The following GNAQ variants were observed in gnomAD, a reference collection of about 807,000 sequenced individuals.
GNAQ encodes the protein G protein subunit alpha q, also known as guanine nucleotide-binding protein G(q) subunit alpha.
GNAQ carries 8 observed loss-of-function variants against 43.9 expected under a neutral mutation model. That is an observed-to-expected ratio of 0.18 (90% CI 0.11 to 0.33). The LOEUF is 0.33. GNAQ is among the 10% of genes least tolerant of loss of function. The pLI, the probability that GNAQ is intolerant of heterozygous loss-of-function variation, is 1.00. For synonymous variants in GNAQ, 155 were observed against 170.7 expected, an observed-to-expected ratio of 0.91 and a Z score of 0.71; for missense variants, 158 against 450.8, an observed-to-expected ratio of 0.35 and a Z score of 5.88.
rs1825272973 is a variant in GNAQ at position 77,719,274 on chromosome 9, T to A, written c.*2049A>T. ...TACAATACAATTACATAGATACATA[T>A]CAATACAGCACATTCAATCTGCCAA... On this transcript the variant is annotated 3_prime_UTR_variant, in exon 7 of 7. Transcript: ENST00000286548. The A allele has an allele frequency of 4.3e-6, 1 of 232,456 alleles. No homozygotes were observed. Among genetic ancestry groups the A allele is most frequent in the African/African-American group, 2.2e-5 (1 of 45,294 alleles). 14.4% of individuals were successfully genotyped at this position (232,456 alleles called of 1,614,324 possible).
In GNAQ at chr9:77,881,991, A is replaced by G. The variant is rs559615232; in HGVS notation, c.321+40170T>C. Among the ~76,000 whole-genome samples the G allele has an allele frequency of 7.2e-3, 1,089 of 152,184 alleles. 5 individuals are homozygous for G. The highest frequency in any genetic ancestry group is 0.011 in the Non-Finnish European group (738 of 68,016). ...CATCTCTACTAAAAGTACAAAAATC[A>G]GCTGGGCATGGTGGCGGGCGCCTGT... On this transcript the variant is annotated intron_variant, in intron 2 of 6. Transcript: ENST00000286548.
chr9:77,903,937 CAAA>C (rs869277958), intron 2 of GNAQ, among the ~76,000 whole-genome samples: 1 of 32,368 alleles, frequency 3.1e-5, no homozygotes, highest in Admixed American at 5.1e-4. Context: ...AACCCTAAAA[CAAA>C]ACACACAAAA....
chr9:77,802,209 T>G (rs1826754235), intron 3 of GNAQ, among the ~76,000 whole-genome samples: 1 of 151,930 alleles, frequency 6.6e-6, no homozygotes, highest in Non-Finnish European at 1.5e-5. Flanking sequence ...ACCCTGCATT[T>G]TTCATTGCCA....
At chr9:78,009,232 C>T (rs1823744686) in intron 1 of GNAQ, among the ~76,000 whole-genome samples, 1 of 152,180 alleles carries the variant, frequency 6.6e-6, no homozygotes, top group African/African-American at 2.4e-5. Flanking sequence ...TGGTTGGCAA[C>T]CTAAACTTCA....
At chr9:77,896,960 C>CA (rs1828514268) in intron 2 of GNAQ, among the ~76,000 whole-genome samples, 1 of 152,208 alleles carries the variant, frequency 6.6e-6, no homozygotes, top group African/African-American at 2.4e-5. Flanking sequence ...TTTTGTCCTC[C>CA]AGAAGTTATC....
chr9:77,822,816 A>C (rs889844159), intron 2 of GNAQ, among the ~76,000 whole-genome samples: 4 of 152,198 alleles, frequency 2.6e-5, no homozygotes, highest in Admixed American at 2.6e-4. Context: ...AGCTTTTAGA[A>C]TACCTTGCTT....
intron 2 of GNAQ, among the ~76,000 whole-genome samples, chr9:77,827,781 A>G (rs1375998470): frequency 6.6e-6 from 1 of 152,150 alleles, no homozygotes; most frequent in Non-Finnish European, 1.5e-5. Context: ...CAATCTTTCT[A>G]GAGCATCAAC....
chr9:77,823,264 G>T (rs894028064), intron 2 of GNAQ, among the ~76,000 whole-genome samples: 9 of 151,968 alleles, frequency 5.9e-5, no homozygotes, highest in African/African-American at 2.2e-4. Flanking sequence ...AAGAAGGGAA[G>T]GAAAATAACT....
chr9:77,896,320 A>G (rs1212050546), intron 2 of GNAQ, among the ~76,000 whole-genome samples: 1 of 152,196 alleles, frequency 6.6e-6, no homozygotes, highest in African/African-American at 2.4e-5. Context: ...AACATACATA[A>G]AAGTTTGGAG....
chr9:77,984,790 G>A (rs1184738129), intron 1 of GNAQ, among the ~76,000 whole-genome samples: 1 of 152,140 alleles, frequency 6.6e-6, no homozygotes, highest in African/African-American at 2.4e-5. Flanking sequence ...AGCAGAGCCA[G>A]AGAGAGAAAC....
At position 78,031,064 on chromosome 9, in the gene GNAQ, G is replaced by A. The variant is rs766367586; in HGVS notation, c.136+36C>T. 1.2e-5 allele frequency: 17 copies of A among 1,388,838 alleles called. No homozygotes were observed. In the East Asian group the frequency reaches 4.7e-4, roughly 38 times the overall value. The allele number at this position is 1,388,838 out of a possible 1,614,324, so 86.0% of individuals were successfully genotyped here. A position where few individuals can be genotyped will look rare whatever the true frequency, so the allele number is the denominator to read the frequency against. On this transcript the variant is annotated intron_variant, in intron 1 of 6. Transcript: ENST00000286548. ...CAGGGCCAAGGATGGTGGGCTGGGG[G>A]CGCAGAGGCCCGGCGGGGCCCCGGA...
chr9:77,836,374 C>A (rs1827384966), intron 2 of GNAQ, among the ~76,000 whole-genome samples: 1 of 152,158 alleles, frequency 6.6e-6, no homozygotes, highest in Non-Finnish European at 1.5e-5. Context: ...GTGAACTTTC[C>A]CATCTGAAAA....
At chr9:77,875,849 C>T (rs141709376) in intron 2 of GNAQ, among the ~76,000 whole-genome samples, 1 of 152,206 alleles carries the variant, frequency 6.6e-6, no homozygotes, top group East Asian at 1.9e-4. Context: ...CTCACCATTG[C>T]TATTTTTCAG....
chr9:77,879,436 T>A (rs1828177405), intron 2 of GNAQ, among the ~76,000 whole-genome samples: 1 of 152,098 alleles, frequency 6.6e-6, no homozygotes, highest in African/African-American at 2.4e-5. Flanking sequence ...GCTTTGTATT[T>A]TTAGTACAGA....
intron 5 of GNAQ, among the ~76,000 whole-genome samples, chr9:77,769,860 G>T (rs919649192): frequency 2.6e-5 from 4 of 151,996 alleles, no homozygotes; most frequent in Non-Finnish European, 5.9e-5. Flanking sequence ...TAGAGACAGG[G>T]TTTCACTGTG....
intron 2 of GNAQ, among the ~76,000 whole-genome samples, chr9:77,894,168 C>A (rs879471012): frequency 1.3e-5 from 2 of 151,350 alleles, no homozygotes; most frequent in Non-Finnish European, 2.9e-5. Context: ...AATGCCATGT[C>A]TTTCATGTTA....
chr9:77,921,900 T>C (rs1349906637), intron 2 of GNAQ, among the ~76,000 whole-genome samples: 1 of 152,240 alleles, frequency 6.6e-6, no homozygotes, highest in Non-Finnish European at 1.5e-5. Context: ...TATTTATTGC[T>C]GAACATCCAA....
intron 1 of GNAQ, among the ~76,000 whole-genome samples, chr9:77,953,778 G>C (rs1413521269): frequency 1.3e-5 from 2 of 152,108 alleles, no homozygotes; most frequent in African/African-American, 4.8e-5. Context: ...TCAAAACTAA[G>C]GAAGTAAATC....
At chr9:78,028,219 A>G (rs527595297) in intron 1 of GNAQ, among the ~76,000 whole-genome samples, 9 of 152,222 alleles carry the variant, frequency 5.9e-5, no homozygotes, top group Non-Finnish European at 1.2e-4. Flanking sequence ...CAAAGAATGA[A>G]TAAGTTAAAA....
Sources: gnomAD v4.1 joint callset for allele counts (sites outside exome capture counted in the v4.1 genomes callset) on GRCh38, gnomAD v4.1.1 for gene constraint, MANE v1.5 for transcripts, NCBI Gene and HGNC (gene_info 2026-07-23, HGNC 2026-07-21) for gene names.